Variants in UTRN observed in about 807,000 individuals in gnomAD.
UTRN encodes the protein dystrophin-related protein 1.
UTRN carries 283 observed loss-of-function variants against 463.9 expected under a neutral mutation model. That is an observed-to-expected ratio of 0.61 (90% CI 0.55 to 0.67). The LOEUF is 0.67. UTRN is among the 30% of genes least tolerant of loss of function. UTRN has a pLI of 0.00. For synonymous variants in UTRN, 1,442 were observed against 1,431.5 expected (o/e 1.01, Z -0.17); for missense variants, 3,922 against 4,084.3 (o/e 0.96, Z 1.08).
intron 51 of UTRN, among the ~76,000 whole-genome samples, chr6:144,646,862 C>A (rs140658607): frequency 5.9e-5 from 9 of 152,252 alleles, no homozygotes; most frequent in African/African-American, 2.2e-4. Context: ...TCCTAATATT[C>A]TTATGTAAAT....
intron 21 of UTRN, 81 bp downstream of exon 21, chr6:144,459,435 A>C: frequency 6.9e-7 from 1 of 1,444,172 alleles, no homozygotes; most frequent in Non-Finnish European, 9.2e-7. Flanking sequence ...ACTTGAGTAC[A>C]CTTGCTTGCT....
intron 54 of UTRN, among the ~76,000 whole-genome samples, chr6:144,734,926 C>T (rs1789201041): frequency 6.6e-6 from 1 of 152,156 alleles, no homozygotes; most frequent in South Asian, 2.1e-4. Context: ...CCTTTCGTTC[C>T]ACTCCCTGTA....
At chr6:144,597,141 G>A (rs890286407) in intron 51 of UTRN, among the ~76,000 whole-genome samples, 2 of 151,620 alleles carry the variant, frequency 1.3e-5, no homozygotes, top group African/African-American at 4.8e-5. Flanking sequence ...GGGAGGCTGA[G>A]GCAGGAGAAT....
At chr6:144,332,216 A>G (rs997715136) in intron 2 of UTRN, among the ~76,000 whole-genome samples, 4 of 152,034 alleles carry the variant, frequency 2.6e-5, no homozygotes, top group Non-Finnish European at 4.4e-5. Flanking sequence ...GCTTTTGTTC[A>G]CTTGTTTGTT....
intron 2 of UTRN, among the ~76,000 whole-genome samples, chr6:144,304,756 G>A (rs115688211): frequency 0.06 from 9,134 of 152,034 alleles, 883 homozygotes; most frequent in African/African-American, 0.21. Flanking sequence ...AGGAGTTTGA[G>A]TTGTATCCTA....
chr6:144,558,214 T>A (rs1263668604), intron 50 of UTRN, among the ~76,000 whole-genome samples: 1 of 152,218 alleles, frequency 6.6e-6, no homozygotes, highest in Non-Finnish European at 1.5e-5. Flanking sequence ...TCCAGAGTGT[T>A]ATTTTTAGTT....
At chr6:144,570,178 C>G (rs1445473673) in intron 50 of UTRN, among the ~76,000 whole-genome samples, 1 of 151,934 alleles carries the variant, frequency 6.6e-6, no homozygotes, top group Non-Finnish European at 1.5e-5. Context: ...TGTTTGCACC[C>G]AGGTCTGGAT....
chr6:144,413,759 A>C (rs958659804), intron 3 of UTRN, among the ~76,000 whole-genome samples: 1 of 152,112 alleles, frequency 6.6e-6, no homozygotes. Flanking sequence ...ATAACCAACA[A>C]CTGTGTTACT....
chr6:144,770,416 T>C (rs367930599), intron 58 of UTRN, among the ~76,000 whole-genome samples: 11 of 152,222 alleles, frequency 7.2e-5, no homozygotes, highest in African/African-American at 2.2e-4. Context: ...TGAATTTGAT[T>C]TTATGAATGT....
intron 2 of UTRN, among the ~76,000 whole-genome samples, chr6:144,305,489 T>A (rs764858031): frequency 1.3e-5 from 2 of 152,216 alleles, no homozygotes; most frequent in Non-Finnish European, 2.9e-5. Context: ...TAATGCTGAT[T>A]TGTGAACTGA....
chr6:144,659,402 G>A (rs1419748437), intron 51 of UTRN, among the ~76,000 whole-genome samples: 1 of 152,184 alleles, frequency 6.6e-6, no homozygotes, highest in Non-Finnish European at 1.5e-5. Flanking sequence ...AGCCCACTGA[G>A]GCTGCTCTCC....
rs1051471751 is a variant in UTRN, at chr6:144,332,996, C to T, written c.79+41089C>T. ...TCACTCAGGCTGGAGTGCAGTGGTG[C>T]GATCTTGGCTCACTGCAACCTCCAC... On this transcript the variant is annotated intron_variant, in intron 2 of 74. Transcript: ENST00000367545. 2.0e-4 allele frequency among the ~76,000 whole-genome samples: 31 copies of T among 151,474 alleles called. 1 individual carries two copies. In the East Asian group the frequency reaches 2.9e-3, roughly 14 times the overall value.
intron 73 of UTRN, among the ~76,000 whole-genome samples, chr6:144,846,140 A>G: frequency 6.6e-6 from 1 of 152,210 alleles, no homozygotes; most frequent in East Asian, 1.9e-4. Context: ...CTGCCCTTGC[A>G]AAGCCCGCCA....
chr6:144,597,079 G>C (rs144998696), intron 51 of UTRN, among the ~76,000 whole-genome samples: 17 of 152,072 alleles, frequency 1.1e-4, no homozygotes, highest in African/African-American at 3.6e-4. Context: ...TCTACTGAAA[G>C]TGCAAAAAAT....
chr6:144,811,342 C>G (rs184899535), intron 65 of UTRN, among the ~76,000 whole-genome samples: 2 of 152,254 alleles, frequency 1.3e-5, no homozygotes, highest in Admixed American at 6.5e-5. Flanking sequence ...GCAGTCTTGT[C>G]TCTTCAGATG....
At chr6:144,683,777 A>G (rs904480040) in intron 52 of UTRN, among the ~76,000 whole-genome samples, 11 of 152,250 alleles carry the variant, frequency 7.2e-5, no homozygotes, top group South Asian at 4.2e-4. Flanking sequence ...ACCAACTGCT[A>G]TGGACACCAA....
intron 63 of UTRN, among the ~76,000 whole-genome samples, chr6:144,795,499 G>A (rs1586606273): frequency 6.6e-6 from 1 of 152,178 alleles, no homozygotes; most frequent in Non-Finnish European, 1.5e-5. Context: ...CAGTGTAAAA[G>A]CATTCCTATT....
intron 63 of UTRN, among the ~76,000 whole-genome samples, chr6:144,796,304 C>T (rs947824157): frequency 2.0e-5 from 3 of 152,144 alleles, no homozygotes; most frequent in African/African-American, 7.2e-5. Context: ...ACCCTCATGA[C>T]CTAATCATTT....
At chr6:144,332,904 TTTTATTTATTTATTTATTTA>T (rs200334669) in intron 2 of UTRN, among the ~76,000 whole-genome samples, 2,242 of 145,198 alleles carry the variant, frequency 0.015, 68 homozygotes, top group African/African-American at 0.055. Context: ...GATATTAACC[TTTTATTTATTTATTTATTTA>T]TTTATTTATT....
Sources: gnomAD v4.1 joint callset for allele counts (sites outside exome capture counted in the v4.1 genomes callset) on GRCh38, gnomAD v4.1.1 for gene constraint, MANE v1.5 for transcripts, NCBI Gene and HGNC (gene_info 2026-07-23, HGNC 2026-07-21) for gene names.